PCDH9: variants seen among roughly 807,000 people sequenced by gnomAD.
The protein encoded by PCDH9 is protocadherin-9.
PCDH9 carries 24 observed loss-of-function variants against 70.6 expected under a neutral mutation model. That is an observed-to-expected ratio of 0.34 (90% confidence interval 0.25 to 0.48). PCDH9 has a LOEUF of 0.48. Among genes scored for constraint, PCDH9 ranks in the 20% least tolerant of loss-of-function variants. The probability of loss-of-function intolerance (pLI) is 0.99; values close to 1 mark genes in which losing one functional copy is unlikely to be tolerated. For missense variants in PCDH9, 1,281 were observed against 1,503.6 expected, an observed-to-expected ratio of 0.85 and a Z score of 2.45; for synonymous variants, 562 against 558.5, an observed-to-expected ratio of 1.01 and a Z score of -0.09.
chr13:67,112,146 C>A (rs565728298), intron 2 of PCDH9, among the ~76,000 whole-genome samples: 30 of 152,302 alleles, frequency 2.0e-4, no homozygotes, highest in Admixed American at 1.7e-3. Context: ...TGTGCTTCTG[C>A]TCAATACTCC....
chr13:66,677,243 T>A (rs2078256234), intron 3 of PCDH9, among the ~76,000 whole-genome samples: 1 of 152,124 alleles, frequency 6.6e-6, no homozygotes, highest in Admixed American at 6.6e-5. Context: ...ATTTTAGGTA[T>A]TTTAAAATGA....
At chr13:66,682,503 C>T (rs1028677129) in intron 3 of PCDH9, among the ~76,000 whole-genome samples, 1 of 151,698 alleles carries the variant, frequency 6.6e-6, no homozygotes, top group Non-Finnish European at 1.5e-5. Context: ...AGAATTTTTT[C>T]CTGTCCTGTT....
intron 3 of PCDH9, among the ~76,000 whole-genome samples, chr13:66,678,187 C>T (rs2078270559): frequency 6.6e-6 from 1 of 152,044 alleles, no homozygotes. Flanking sequence ...ACTGTTCAAA[C>T]ATTGGCCTTA....
At chr13:66,752,725 G>T (rs544937771) in intron 3 of PCDH9, among the ~76,000 whole-genome samples, 7 of 152,078 alleles carry the variant, frequency 4.6e-5, no homozygotes, top group African/African-American at 1.5e-4. Flanking sequence ...ATTTAAGAGG[G>T]TGTTGCAGTT....
chr13:66,769,377 G>C (rs950984552), intron 3 of PCDH9, among the ~76,000 whole-genome samples: 1 of 152,018 alleles, frequency 6.6e-6, no homozygotes, highest in Non-Finnish European at 1.5e-5. Context: ...AATGCTTGAT[G>C]CTTAAATTGG....
At chr13:66,980,866 G>A (rs2083748874) in intron 2 of PCDH9, among the ~76,000 whole-genome samples, 1 of 150,352 alleles carries the variant, frequency 6.7e-6, no homozygotes, top group African/African-American at 2.4e-5. Context: ...AAGACCATTA[G>A]TGTGAACGTT....
intron 4 of PCDH9, among the ~76,000 whole-genome samples, chr13:66,544,473 G>A (rs1206158621): frequency 6.6e-6 from 1 of 152,138 alleles, no homozygotes; most frequent in African/African-American, 2.4e-5. Flanking sequence ...GGCCTTGAGG[G>A]TTCTTGGTTT....
At chr13:66,983,901 T>C (rs2083832337) in intron 2 of PCDH9, among the ~76,000 whole-genome samples, 1 of 151,542 alleles carries the variant, frequency 6.6e-6, no homozygotes, top group Admixed American at 6.6e-5. Flanking sequence ...TGTCACAAAC[T>C]CACCCTTATT....
intron 2 of PCDH9, among the ~76,000 whole-genome samples, chr13:67,158,933 A>G (rs2087881509): frequency 6.6e-6 from 1 of 152,212 alleles, no homozygotes; most frequent in Non-Finnish European, 1.5e-5. Flanking sequence ...AGACGAAATA[A>G]CAGTCTCCCT....
At chr13:66,513,719 TAA>T (rs879773251) in intron 4 of PCDH9, among the ~76,000 whole-genome samples, 59 of 135,946 alleles carry the variant, frequency 4.3e-4, no homozygotes, top group African/African-American at 1.0e-3. Flanking sequence ...CTTTCTTAAG[TAA>T]AAAAAAAAAA....
rs182557633 is a variant in PCDH9, at chr13:66,947,433, C to A, written c.3037-43828G>T. On this transcript the variant is annotated intron_variant, in intron 2 of 4. Transcript: ENST00000377865. ...ATCATGTTCTTTTTCCAAAAAATAC[C>A]CCTTATTATGAGTGTAATGACAAAT... Among the ~76,000 whole-genome samples, 251 of 151,710 alleles carry A rather than the reference C, an allele frequency of 1.7e-3. 3 individuals carry two copies. The highest frequency in any genetic ancestry group is 5.8e-3 in the African/African-American group (239 of 41,386).
intron 3 of PCDH9, among the ~76,000 whole-genome samples, chr13:66,837,523 T>C (rs968834488): frequency 6.6e-6 from 1 of 152,158 alleles, no homozygotes; most frequent in African/African-American, 2.4e-5. Context: ...TTTAATGACT[T>C]TACTGCCCTC....
chr13:67,068,299 GTTT>G (rs544764364), intron 2 of PCDH9, among the ~76,000 whole-genome samples: 1 of 151,492 alleles, frequency 6.6e-6, no homozygotes, highest in African/African-American at 2.4e-5. Context: ...ATTATGAAAA[GTTT>G]TTTTATTAAA....
At chr13:66,826,899 G>A (rs1032427498) in intron 3 of PCDH9, among the ~76,000 whole-genome samples, 2 of 152,126 alleles carry the variant, frequency 1.3e-5, no homozygotes, top group African/African-American at 4.8e-5. Flanking sequence ...GCAATTCAGA[G>A]GATGTGCTAA....
intron 3 of PCDH9, among the ~76,000 whole-genome samples, chr13:66,718,522 G>A (rs1161947915): frequency 5.3e-5 from 8 of 151,944 alleles, no homozygotes; most frequent in Non-Finnish European, 1.2e-4. Flanking sequence ...TAACTATGAC[G>A]AATAGAACTA....
chr13:66,355,174 C>CTTGGCTTAA (rs1555284239), intron 4 of PCDH9, among the ~76,000 whole-genome samples: 2 of 152,086 alleles, frequency 1.3e-5, no homozygotes, highest in Non-Finnish European at 2.9e-5. Flanking sequence ...CAAGTAGATA[C>CTTGGCTTAA]TGTTTTTTTT....
chr13:66,789,971 T>C (rs1177389479), intron 3 of PCDH9, among the ~76,000 whole-genome samples: 1 of 152,132 alleles, frequency 6.6e-6, no homozygotes, highest in Non-Finnish European at 1.5e-5. Context: ...ACCAAGATTA[T>C]TTCTAGGGCA....
chr13:66,515,791 A>T (rs1264053798), intron 4 of PCDH9, among the ~76,000 whole-genome samples: 1 of 152,042 alleles, frequency 6.6e-6, no homozygotes, highest in East Asian at 1.9e-4. Context: ...GTACAAATCA[A>T]ATTTGTTGCT....
At chr13:66,871,559 C>G (rs367643127) in intron 3 of PCDH9, among the ~76,000 whole-genome samples, 6 of 152,048 alleles carry the variant, frequency 3.9e-5, no homozygotes, top group African/African-American at 7.2e-5. Flanking sequence ...CCCTCTGTTA[C>G]TTATTGCTTA....
Sources: allele counts gnomAD v4.1 joint callset (sites outside exome capture counted in the v4.1 genomes callset), GRCh38; gene constraint gnomAD v4.1.1; transcripts MANE v1.5; gene names NCBI Gene and HGNC (gene_info 2026-07-23, HGNC 2026-07-21).